Variants in HHLA2 observed in about 807,000 individuals in gnomAD.
HHLA2 encodes the protein HERV-H LTR-associating protein 2.
A neutral mutation model predicts 45.9 loss-of-function variants in HHLA2; 48 were observed. The ratio of observed to expected loss-of-function variants is 1.05; its 90% CI spans 0.83 to 1.33. The LOEUF (loss-of-function observed/expected upper bound fraction) is 1.33. Among genes scored for constraint, HHLA2 ranks in the 40% most tolerant of loss-of-function variants. The pLI, the probability that HHLA2 is intolerant of heterozygous loss-of-function variation, is 0.00. For missense variants in HHLA2, 462 were observed against 494.3 expected (o/e 0.93, Z 0.62); for synonymous variants, 161 against 173.9 (o/e 0.93, Z 0.59).
At chr3:108,370,375 G>GA (rs1227658798) in intron 8 of HHLA2, among the ~76,000 whole-genome samples, 1 of 152,034 alleles carries the variant, frequency 6.6e-6, no homozygotes, top group African/African-American at 2.4e-5. Flanking sequence ...CAAAGATGGG[G>GA]AAAAAACAGA....
At chr3:108,319,710 C>A (rs1465492016) in intron 2 of HHLA2, among the ~76,000 whole-genome samples, 1 of 152,204 alleles carries the variant, frequency 6.6e-6, no homozygotes, top group Non-Finnish European at 1.5e-5. Context: ...CCTATTAATG[C>A]AAGAGCAGAT....
intron 3 of HHLA2, among the ~76,000 whole-genome samples, chr3:108,335,377 G>A (rs1409752650): frequency 6.6e-6 from 1 of 152,138 alleles, no homozygotes; most frequent in African/African-American, 2.4e-5. Flanking sequence ...GAGTACAAAG[G>A]ATGACTTTTC....
intron 6 of HHLA2, among the ~76,000 whole-genome samples, 198 bp downstream of exon 5, chr3:108,355,579 T>G (rs2081875260): frequency 6.6e-6 from 1 of 152,234 alleles, no homozygotes; most frequent in African/African-American, 2.4e-5. Context: ...CTTTTGAGCA[T>G]TAGTACCTCA....
chr3:108,369,657 G>T (rs1472531724), intron 8 of HHLA2, among the ~76,000 whole-genome samples: 4 of 152,222 alleles, frequency 2.6e-5, no homozygotes, highest in Non-Finnish European at 5.9e-5. Context: ...GGCACACCAG[G>T]AGATTATATC....
chr3:108,363,397 C>T (rs1343424325), intron 8 of HHLA2, among the ~76,000 whole-genome samples: 1 of 152,162 alleles, frequency 6.6e-6, no homozygotes, highest in Non-Finnish European at 1.5e-5. Context: ...CCTGAGAAGG[C>T]TCTGGGTGTC....
chr3:108,349,761 T>C (rs2081743601), intron 3 of HHLA2, among the ~76,000 whole-genome samples: 1 of 152,086 alleles, frequency 6.6e-6, no homozygotes, highest in Admixed American at 6.6e-5. Context: ...AATGGGTTGG[T>C]TGAGTCAGTG....
chr3:108,337,887 G>T (rs2081501566), intron 3 of HHLA2, among the ~76,000 whole-genome samples: 1 of 152,018 alleles, frequency 6.6e-6, no homozygotes, highest in South Asian at 2.1e-4. Flanking sequence ...TTTGTTGCTT[G>T]TCACTAAACT....
chr3:108,315,485 G>A lies in HHLA2; in HGVS notation c.-105+4744G>A, dbSNP rs189395430. Among the ~76,000 whole-genome samples the A allele has an allele frequency of 3.7e-4, 56 of 152,294 alleles. 1 individual carries two copies. The highest frequency in any genetic ancestry group is 6.8e-4 in the Non-Finnish European group (46 of 68,000). ...ATATGTTGCCTTCTGTATATTTTGT[G>A]CTAAATCCTCTTTATTAGAAAATAA... On this transcript the variant is annotated intron_variant, in intron 2 of 10. Transcript: ENST00000619531.
intron 8 of HHLA2, among the ~76,000 whole-genome samples, chr3:108,365,221 C>A (rs1203760362): frequency 6.6e-6 from 1 of 152,176 alleles, no homozygotes; most frequent in African/African-American, 2.4e-5. Context: ...ATATGGCTAG[C>A]AAGTTTGCCC....
chr3:108,343,600 A>C (rs1031664630), intron 3 of HHLA2, among the ~76,000 whole-genome samples: 1 of 152,212 alleles, frequency 6.6e-6, no homozygotes, highest in Non-Finnish European at 1.5e-5. Flanking sequence ...CCTATTCTTC[A>C]CACCAATTCC....
intron 8 of HHLA2, among the ~76,000 whole-genome samples, chr3:108,368,285 A>C (rs921866433): frequency 2.6e-5 from 4 of 152,116 alleles, no homozygotes; most frequent in African/African-American, 9.7e-5. Flanking sequence ...CAACACTATG[A>C]GGAAACTGCC....
chr3:108,298,030 TCTAA>T (rs1380666960), intron 1 of HHLA2, among the ~76,000 whole-genome samples: 1 of 152,202 alleles, frequency 6.6e-6, no homozygotes, highest in Admixed American at 6.5e-5. Flanking sequence ...TGAATGTCTG[TCTAA>T]CTGACTTCTG....
intron 8 of HHLA2, among the ~76,000 whole-genome samples, chr3:108,371,088 T>A (rs148837118): frequency 2.6e-5 from 4 of 152,158 alleles, no homozygotes; most frequent in Non-Finnish European, 5.9e-5. Context: ...AAAAGTCGGG[T>A]TACCCACAAA....
In HHLA2 at chr3:108,362,460, T is replaced by C. The variant is rs989937924; in HGVS notation, c.1108+14T>C. ...AATGTTGCAGAGGTAATAGAAGAATTTGGGCTCTGCCCCACGTGTTCCACA... is the reference window on the plus strand; with the variant it reads ...AATGTTGCAGAGGTAATAGAAGAATCTGGGCTCTGCCCCACGTGTTCCACA... On this transcript the variant is annotated intron_variant, in intron 8 of 10. Transcript: ENST00000619531. The C allele has an allele frequency of 3.8e-6, 6 of 1,561,924 alleles. No individual in the cohort carries two copies. In the African/African-American group the frequency reaches 8.1e-5, roughly 21 times the overall value.
chr3:108,335,154 A>G (rs1209470830), intron 3 of HHLA2, among the ~76,000 whole-genome samples: 1 of 152,184 alleles, frequency 6.6e-6, no homozygotes. Flanking sequence ...GTGCATGAAG[A>G]TGTTTGAGTT....
At chr3:108,358,251 G>A in intron 7 of HHLA2, 90 bp downstream of exon 6, 1 of 847,832 alleles carries the variant, frequency 1.2e-6, no homozygotes, top group Non-Finnish European at 1.8e-6. Context: ...GACTTTTCAA[G>A]AATACATTGA....
chr3:108,335,766 A>T (rs1028194505), intron 3 of HHLA2, among the ~76,000 whole-genome samples: 2 of 152,142 alleles, frequency 1.3e-5, no homozygotes, highest in Non-Finnish European at 2.9e-5. Flanking sequence ...GGACTTTCTG[A>T]TGAGCATCCA....
intron 4 of HHLA2, among the ~76,000 whole-genome samples, chr3:108,353,093 C>T (rs1366920745): frequency 6.6e-6 from 1 of 152,144 alleles, no homozygotes; most frequent in Non-Finnish European, 1.5e-5. Flanking sequence ...GGAATGAAAT[C>T]CAATGGAGTC....
chr3:108,352,935 A>G (rs2081806641), intron 4 of HHLA2, among the ~76,000 whole-genome samples: 2 of 152,220 alleles, frequency 1.3e-5, no homozygotes, highest in African/African-American at 4.8e-5. Context: ...CAGATTCCTG[A>G]ACCCAGCATT....
Sources: allele counts gnomAD v4.1 joint callset (sites outside exome capture counted in the v4.1 genomes callset), GRCh38; gene constraint gnomAD v4.1.1; transcripts MANE v1.5; gene names NCBI Gene and HGNC (gene_info 2026-07-23, HGNC 2026-07-21).